The following EVC2 variants were observed in gnomAD, a reference collection of about 807,000 sequenced individuals.
EVC2 encodes the protein limbin.
EVC2 carries 148 observed loss-of-function variants against 149.3 expected under a neutral mutation model. That is an observed-to-expected ratio of 0.99 (90% CI 0.87 to 1.14). The LOEUF (loss-of-function observed/expected upper bound fraction) is 1.14. Among genes scored for constraint, EVC2 ranks in the 50% most tolerant of loss-of-function variants. The pLI is 0.00. For missense variants in EVC2, 1,854 were observed against 1,627.3 expected (o/e 1.14, Z -2.40); for synonymous variants, 776 against 649.9 (o/e 1.19, Z -2.95).
rs1718584311 is a variant in EVC2 at position 5,657,263 on chromosome 4, A to C, written c.1145+5844T>G. On this transcript the variant is annotated intron_variant, in intron 9 of 21. Transcript: ENST00000344408. The surrounding 1 kb of genome is among the most constrained non-coding windows in gnomAD (Gnocchi z 4.7). Reference sequence around the variant, plus strand: ...CACCTTTTCCTCCTCTGCTGTCCTCACCTTGAACTTCATTGAGAAGCATCT... The same window carrying C: ...CACCTTTTCCTCCTCTGCTGTCCTCCCCTTGAACTTCATTGAGAAGCATCT... Among the ~76,000 whole-genome samples, 1 of 151,924 alleles carries C rather than the reference A, an allele frequency of 6.6e-6. No homozygotes were observed. The highest frequency in any genetic ancestry group is 2.1e-4 in the South Asian group (1 of 4,796).
chr4:5,592,283 G>A (rs967851001), intron 16 of EVC2, among the ~76,000 whole-genome samples: 6 of 152,220 alleles, frequency 3.9e-5, no homozygotes, highest in African/African-American at 1.4e-4. Context: ...CCAGAGAGAA[G>A]GGGGCTGAGC....
chr4:5,703,367 C>G (rs968283234), intron 1 of EVC2, among the ~76,000 whole-genome samples: 2 of 152,204 alleles, frequency 1.3e-5, no homozygotes, highest in African/African-American at 4.8e-5. Flanking sequence ...AATCTGAAAG[C>G]TGGACTGAGC....
At chr4:5,553,774 C>A (rs1222538853) in intron 21 of EVC2, among the ~76,000 whole-genome samples, 1 of 152,188 alleles carries the variant, frequency 6.6e-6, no homozygotes, top group Admixed American at 6.5e-5. Context: ...CTGATCCCAA[C>A]TGACCTCACA....
In EVC2 at chr4:5,696,903, G is replaced by T. The variant is rs1721511463; in HGVS notation, c.283+690C>A. ...AGGGTCTCAGATACTTTGCAAATGT[G>T]ATTCCATTAAGGGCTTCGAGATGGG... On this transcript the variant is annotated intron_variant, in intron 2 of 21. Coordinates refer to ENST00000344408, the MANE Select transcript of EVC2 (RefSeq NM_147127.5). This position sits in a 1 kb window ranked among gnomAD's most constrained non-coding sequence, Gnocchi z 4.1. Among the ~76,000 whole-genome samples the T allele has an allele frequency of 1.3e-5, 2 of 152,204 alleles. No individual in the cohort carries two copies. Among genetic ancestry groups the T allele is most frequent in the Admixed American group, 6.5e-5 (1 of 15,288 alleles).
At chr4:5,703,356 G>C (rs1721946777) in intron 1 of EVC2, among the ~76,000 whole-genome samples, 1 of 152,210 alleles carries the variant, frequency 6.6e-6, no homozygotes, top group African/African-American at 2.4e-5. Context: ...TGAGGAATGT[G>C]AATCTGAAAG....
chr4:5,697,253 T>C (rs1000705491), intron 2 of EVC2, among the ~76,000 whole-genome samples: 13 of 152,222 alleles, frequency 8.5e-5, no homozygotes, highest in Admixed American at 2.6e-4. Flanking sequence ...AATAAACGTG[T>C]GTGGTCGAAG....
the EVC2 span, among the ~76,000 whole-genome samples, chr4:5,529,270 AT>A: frequency 1.5e-4 from 23 of 152,302 alleles, no homozygotes; most frequent in Admixed American, 1.2e-3. This position sits in a 1 kb window ranked among gnomAD's most constrained non-coding sequence, Gnocchi z 4.5. Context: ...ACATGGGTCA[AT>A]TCAGCCTTTT....
At chr4:5,658,357 G>A (rs188813640) in intron 9 of EVC2, among the ~76,000 whole-genome samples, 45 of 152,332 alleles carry the variant, frequency 3.0e-4, no homozygotes, top group Non-Finnish European at 2.9e-4. Context: ...TTTTAGAGAT[G>A]AGGAACAAAA....
At chr4:5,683,332 C>G (rs1720474497) in intron 6 of EVC2, among the ~76,000 whole-genome samples, 1 of 152,194 alleles carries the variant, frequency 6.6e-6, no homozygotes, top group African/African-American at 2.4e-5. Flanking sequence ...TGTGTTCCCA[C>G]AGATATGCAG....
At chr4:5,690,405 G>GTTT (rs1165240823) in intron 4 of EVC2, among the ~76,000 whole-genome samples, 2 of 141,604 alleles carry the variant, frequency 1.4e-5, no homozygotes, top group Non-Finnish European at 1.6e-5. Flanking sequence ...GTGGGTTGTT[G>GTTT]TTTTTTTTTT....
downstream of EVC2, among the ~76,000 whole-genome samples, chr4:5,538,390 T>C (rs1051077327): frequency 1.3e-5 from 2 of 152,162 alleles, no homozygotes; most frequent in Non-Finnish European, 2.9e-5. Flanking sequence ...TGAACAAATA[T>C]TTAAGGAAGA....
intron 21 of EVC2, among the ~76,000 whole-genome samples, chr4:5,564,479 T>G (rs1722141693): frequency 6.6e-6 from 1 of 152,240 alleles, no homozygotes; most frequent in African/African-American, 2.4e-5. Flanking sequence ...CGCTTTATCA[T>G]GAGTAATCTA....
At chr4:5,600,532 T>G (rs563824696) in intron 16 of EVC2, among the ~76,000 whole-genome samples, 2 of 152,220 alleles carry the variant, frequency 1.3e-5, no homozygotes, top group East Asian at 3.9e-4. Flanking sequence ...TTTAAGGCAG[T>G]GGGTAAATAT....
At chr4:5,658,877 C>T (rs1318195332) in intron 9 of EVC2, among the ~76,000 whole-genome samples, 1 of 152,194 alleles carries the variant, frequency 6.6e-6, no homozygotes, top group Non-Finnish European at 1.5e-5. Flanking sequence ...CTAAAACATG[C>T]TCGGCACTCC....
intron 9 of EVC2, among the ~76,000 whole-genome samples, chr4:5,653,061 T>C (rs1478730298): frequency 1.3e-5 from 2 of 152,160 alleles, no homozygotes; most frequent in Non-Finnish European, 2.9e-5. Context: ...TGGTGTTCCT[T>C]AGCTTGCAGC....
At chr4:5,578,985 G>A (rs1003477750) in intron 17 of EVC2, among the ~76,000 whole-genome samples, 5 of 152,140 alleles carry the variant, frequency 3.3e-5, no homozygotes, top group Admixed American at 3.3e-4. Flanking sequence ...TCCTTCAAAG[G>A]GACCCATGCC....
At chr4:5,659,602 T>C (rs1718751975) in intron 9 of EVC2, among the ~76,000 whole-genome samples, 1 of 152,074 alleles carries the variant, frequency 6.6e-6, no homozygotes, top group South Asian at 2.1e-4. Context: ...TAAACACTCT[T>C]CAGGCAAAAT....
intron 21 of EVC2, among the ~76,000 whole-genome samples, chr4:5,556,564 A>T (rs1291712493): frequency 6.6e-6 from 1 of 152,112 alleles, no homozygotes; most frequent in Non-Finnish European, 1.5e-5. Flanking sequence ...AGGCCAAAGC[A>T]ATCAGAAAAA....
intron 21 of EVC2, among the ~76,000 whole-genome samples, chr4:5,554,826 G>A (rs1221877996): frequency 6.6e-6 from 1 of 152,154 alleles, no homozygotes; most frequent in South Asian, 2.1e-4. Context: ...TCCAAAAGAT[G>A]AGTCCTTTTT....
Sources: allele counts gnomAD v4.1 joint callset (sites outside exome capture counted in the v4.1 genomes callset), GRCh38; gene constraint gnomAD v4.1.1; non-coding constraint Gnocchi (gnomAD v3.1); transcripts MANE v1.5; gene names NCBI Gene and HGNC (gene_info 2026-07-23, HGNC 2026-07-21).